The following MORN1 variants were observed in gnomAD, a reference collection of about 807,000 sequenced individuals.
MORN1 encodes the protein MORN repeat containing 1.
Under a neutral mutation model 61.9 loss-of-function variants are expected in MORN1, and 67 were observed. That is an observed-to-expected ratio of 1.08 (90% confidence interval 0.89 to 1.33). The LOEUF is 1.33. MORN1 is among the 40% of genes most tolerant of loss of function. The pLI is 0.00. For missense variants in MORN1, 752 were observed against 691.2 expected (o/e 1.09, Z -0.99); for synonymous variants, 301 against 292.0 (o/e 1.03, Z -0.31).
At chr1:2,385,160 T>C (rs746133302) in intron 5 of MORN1, 95 bp from the exon 6 acceptor site, 4 of 1,336,664 alleles carry the variant, frequency 3.0e-6, no homozygotes, top group East Asian at 5.1e-5. Flanking sequence ...CCGCAGGCAC[T>C]GCGGGACCGA....
intron 10 of MORN1, among the ~76,000 whole-genome samples, chr1:2,348,616 C>CAGG (rs2100283102): frequency 7.0e-6 from 1 of 143,556 alleles, no homozygotes; most frequent in African/African-American, 2.4e-5. Flanking sequence ...TGCACCTAGG[C>CAGG]AGGCACGCAC....
At chr1:2,390,749 G>C in intron 1 of MORN1, 1 of 984,002 alleles carries the variant, frequency 1.0e-6, no homozygotes, top group Non-Finnish European at 1.2e-6. Flanking sequence ...ATCAAAACCT[G>C]CTCTTTTTTT....
intron 13 of MORN1, chr1:2,323,120 G>A (rs2100214106): frequency 3.0e-6 from 3 of 985,422 alleles, no homozygotes; most frequent in South Asian, 4.7e-5. Flanking sequence ...AGATGTCCCC[G>A]CCCCCTCCTG....
intron 8 of MORN1, among the ~76,000 whole-genome samples, chr1:2,365,642 C>T (rs2100322997): frequency 6.6e-6 from 1 of 151,598 alleles, no homozygotes; most frequent in East Asian, 1.9e-4. Flanking sequence ...TGCCAGTTTT[C>T]AAAGGGAATG....
chr1:2,358,424 G>A (rs941046508), intron 9 of MORN1, among the ~76,000 whole-genome samples, 168 bp downstream of exon 9: 8 of 152,164 alleles, frequency 5.3e-5, no homozygotes, highest in Non-Finnish European at 1.2e-4. Context: ...AGAGGGTCAG[G>A]TACTGAAATT....
At chr1:2,366,944 CAAT>C (rs1448444442) in intron 8 of MORN1, among the ~76,000 whole-genome samples, 1 of 151,680 alleles carries the variant, frequency 6.6e-6, no homozygotes, top group Non-Finnish European at 1.5e-5. Flanking sequence ...CACAGAATAT[CAAT>C]AATATCAACA....
rs773194402 is a variant in MORN1, at chr1:2,387,518, A to G, written c.259T>C (p.Ser87Pro). 5.6e-6 allele frequency: 9 copies of G among 1,611,790 alleles called. No homozygotes were observed. In the East Asian group the frequency reaches 6.7e-5, roughly 12 times the overall value. Residue 87 changes from serine to proline, a missense_variant, in exon 4 of 14, where the codon TCT (serine) becomes CCT (proline). Physicochemically the swap from Ser to Pro is moderately conservative, Grantham distance 74 (BLOSUM62 -1). Transcript: ENST00000378531. Reference protein sequence around the residue: ...RHWAWSGDTFSGQFVLGEPQG... With the variant: ...RHWAWSGDTFPGQFVLGEPQG... Reference sequence around the variant, plus strand: ...GGCTCTCCCAGAACAAACTGTCCAGAGAAGGTGTCTCCTGCATGTGGACAA... The same window carrying G: ...GGCTCTCCCAGAACAAACTGTCCAGGGAAGGTGTCTCCTGCATGTGGACAA...
At chr1:2,340,092 C>G (rs7545296) in intron 10 of MORN1, among the ~76,000 whole-genome samples, 1 of 152,224 alleles carries the variant, frequency 6.6e-6, no homozygotes, top group Non-Finnish European at 1.5e-5. Flanking sequence ...CCGGTGTCAT[C>G]GGCTACAGAT....
At chr1:2,332,119 C>T (rs529850596) in intron 12 of MORN1, 1 of 168,230 alleles carries the variant, frequency 5.9e-6, no homozygotes, top group Non-Finnish European at 1.3e-5. Flanking sequence ...ATGACAGTGA[C>T]AGGCTCTGAT....
chr1:2,348,731 GCACACCTGCGCGGGCACGCACACA>G (rs1641578286), intron 10 of MORN1, among the ~76,000 whole-genome samples: 1 of 13,130 alleles, frequency 7.6e-5, no homozygotes, highest in Non-Finnish European at 1.5e-4. Context: ...GCACGCACAC[GCACACCTGCGCGGGCACGCACACA>G]CACGCACACC....
At chr1:2,351,860 G>A in intron 10 of MORN1, 3 of 510,084 alleles carry the variant, frequency 5.9e-6, no homozygotes, top group South Asian at 1.7e-5. Flanking sequence ...CCACGGTCAC[G>A]ACTGCCGTTC....
chr1:2,348,227 G>A (rs752627958), intron 10 of MORN1, among the ~76,000 whole-genome samples: 71 of 152,360 alleles, frequency 4.7e-4, no homozygotes, highest in Admixed American at 1.7e-3. Context: ...GTGTGGCCGT[G>A]TCTGAGGTCT....
At chr1:2,335,419 C>T (rs1239312376) in intron 12 of MORN1, among the ~76,000 whole-genome samples, 2 of 152,176 alleles carry the variant, frequency 1.3e-5, no homozygotes, top group African/African-American at 2.4e-5. Context: ...CTCGAGGGCC[C>T]AAGACCCCGT....
At position 2,384,971 on chromosome 1, in the gene MORN1, C is replaced by CG. The variant is rs774419512; in HGVS notation, c.537+6dup. 1.3e-6 allele frequency: 2 copies of CG among 1,561,616 alleles called. No homozygotes were observed. Among genetic ancestry groups the CG allele is most frequent in the South Asian group, 2.4e-5 (2 of 85,042 alleles). ...CTGGGCAGCAGGTGCCGCGCGCCCC[C>CG]GGGTACCTTGTAGGTGGAGCCGTCG... On this transcript the variant is annotated splice_region_variant and intron_variant, in intron 6 of 13. Coordinates refer to ENST00000378531, the MANE Select transcript of MORN1 (RefSeq NM_024848.3).
chr1:2,324,085 C>A lies in MORN1; in HGVS notation c.1297+12G>T. The A allele has an allele frequency of 6.3e-7, 1 of 1,593,922 alleles. No individual in the cohort carries two copies. The highest frequency in any genetic ancestry group is 1.8e-5 in the Admixed American group (1 of 56,778). ...GCACAGCCGGCGATGGACTTGGGCC[C>A]TGTCCACCTACCTAGGTGTGCTGCC... On this transcript the variant is annotated intron_variant, in intron 13 of 13. Coordinates refer to ENST00000378531, the MANE Select transcript of MORN1 (RefSeq NM_024848.3).
chr1:2,348,775 ACG>A (rs1220092418), intron 10 of MORN1, among the ~76,000 whole-genome samples: 4 of 140,942 alleles, frequency 2.8e-5, no homozygotes, highest in African/African-American at 1.2e-4. Context: ...CTGCGCAGGC[ACG>A]CACACACACG....
intron 2 of MORN1, 95 bp from the exon 3 acceptor site, chr1:2,388,432 C>G: frequency 1.0e-6 from 1 of 958,342 alleles, no homozygotes; most frequent in Non-Finnish European, 1.7e-6. Flanking sequence ...GAACCAAGAG[C>G]TTGGCTTCAA....
At chr1:2,382,055 G>A (rs888722759) in intron 6 of MORN1, among the ~76,000 whole-genome samples, 2 of 152,184 alleles carry the variant, frequency 1.3e-5, no homozygotes, top group Non-Finnish European at 2.9e-5. Flanking sequence ...CGCCTGGGTA[G>A]TAGCCAGGGG....
intron 12 of MORN1, among the ~76,000 whole-genome samples, chr1:2,325,163 TCC>T (rs1640991259): frequency 1.8e-5 from 1 of 56,702 alleles, no homozygotes; most frequent in African/African-American, 6.0e-5. Context: ...TTCCCTCCCT[TCC>T]TTCCTTTCCT....
Sources: gnomAD v4.1 joint callset for allele counts (sites outside exome capture counted in the v4.1 genomes callset) on GRCh38, gnomAD v4.1.1 for gene constraint, MANE v1.5 for transcripts, NCBI Gene and HGNC (gene_info 2026-07-23, HGNC 2026-07-21) for gene names.